MYO18B: variants seen among roughly 807,000 people sequenced by gnomAD.
The protein encoded by MYO18B is unconventional myosin-XVIIIb.
MYO18B carries 204 observed loss-of-function variants against 273.0 expected under a neutral mutation model. That is an observed-to-expected ratio of 0.75 (90% CI 0.67 to 0.84). The LOEUF is 0.84. Ranked by LOEUF, MYO18B falls within the 40% of genes least tolerant of loss-of-function variation. The probability of loss-of-function intolerance (pLI) is 0.00; values close to 1 mark genes in which losing one functional copy is unlikely to be tolerated. For missense variants in MYO18B, 3,212 were observed against 3,287.6 expected, an observed-to-expected ratio of 0.98 and a Z score of 0.56; for synonymous variants, 1,330 against 1,305.7, an observed-to-expected ratio of 1.02 and a Z score of -0.40.
chr22:25,828,058 G>A (rs1386088008), intron 14 of MYO18B, among the ~76,000 whole-genome samples: 4 of 152,276 alleles, frequency 2.6e-5, no homozygotes, highest in South Asian at 2.1e-4. Flanking sequence ...GATCATACTC[G>A]TGGTGATGAG....
intron 11 of MYO18B, among the ~76,000 whole-genome samples, chr22:25,793,059 T>C (rs2038326): frequency 0.74 from 112,419 of 152,032 alleles, 41,680 homozygotes; most frequent in East Asian, 0.86. Flanking sequence ...GAACGGTGTC[T>C]CTGGAAGGTG....
Position 25,797,953 on chromosome 22 carries a change from C to G in MYO18B, c.2377C>G (p.Pro793Ala), listed in dbSNP as rs1464783177. The change falls in exon 12 of 44, where the codon CCT becomes GCT. Residue 793 changes from proline (P) to alanine (A), a missense_variant and splice_region_variant. Physicochemically the swap from Pro to Ala is conservative, Grantham distance 27 (BLOSUM62 -1). Coordinates refer to ENST00000335473, the MANE Select transcript of MYO18B (RefSeq NM_032608.7). ...TCTTCCTCTCTCCCTTTGCCCGCAGCCTGAAGATAAACAGAAGGCGGCAGC... is the reference window on the plus strand; with the variant it reads ...TCTTCCTCTCTCCCTTTGCCCGCAGGCTGAAGATAAACAGAAGGCGGCAGC... ...SSFGMGVWSK[P>A]EDKQKAAAAF... The G allele has an allele frequency of 3.7e-6, 6 of 1,613,886 alleles. No individual in the cohort carries two copies. Among genetic ancestry groups the G allele is most frequent in the African/African-American group, 1.3e-5 (1 of 74,922 alleles).
At chr22:25,945,399 G>C (rs554447944) in intron 34 of MYO18B, among the ~76,000 whole-genome samples, 16 of 152,238 alleles carry the variant, frequency 1.1e-4, no homozygotes, top group African/African-American at 3.4e-4. Flanking sequence ...GGGCCAGCTT[G>C]ATTGTTCCCT....
intron 42 of MYO18B, among the ~76,000 whole-genome samples, chr22:26,016,973 G>C (rs977002000): frequency 6.6e-5 from 10 of 152,114 alleles, no homozygotes; most frequent in African/African-American, 2.4e-4. Context: ...CACCTGCAGA[G>C]TGTCAGTTCC....
chr22:25,841,910 C>G (rs2090093438), intron 17 of MYO18B, among the ~76,000 whole-genome samples: 1 of 152,236 alleles, frequency 6.6e-6, no homozygotes, highest in Non-Finnish European at 1.5e-5. Flanking sequence ...TGCTTTGTCA[C>G]CTTACTCCCT....
intron 12 of MYO18B, among the ~76,000 whole-genome samples, chr22:25,801,316 T>C (rs5752214): frequency 0.067 from 10,165 of 152,264 alleles, 590 homozygotes; most frequent in East Asian, 0.21. Context: ...ACCACTAATA[T>C]TGGCCTGGTG....
Position 25,950,365 on chromosome 22 carries a change from AG to A in MYO18B, c.5749-1del. ...TATACATTTTTTTTTTTGTCTCACC[AG>A]TCTGCTGCTGACATTGGGCAGATCC... is the stretch of plus-strand genomic sequence containing the variant. On this transcript the variant is annotated splice_acceptor_variant, in intron 36 of 43. Coordinates refer to ENST00000335473, the MANE Select transcript of MYO18B (RefSeq NM_032608.7). LOFTEE classifies it high-confidence loss of function. The A allele has an allele frequency of 6.3e-7, 1 of 1,592,884 alleles. No individual in the cohort carries two copies. Among genetic ancestry groups the A allele is most frequent in the Non-Finnish European group, 8.5e-7 (1 of 1,169,860 alleles).
intron 20 of MYO18B, 106 bp from the exon 21 acceptor site, chr22:25,851,364 G>A (rs1317212703): frequency 1.1e-5 from 8 of 726,656 alleles, no homozygotes; most frequent in Non-Finnish European, 1.4e-5. Flanking sequence ...TTAGTAGCCA[G>A]GCTAGGAAGC....
At chr22:25,800,481 T>C (rs1254024119) in intron 12 of MYO18B, among the ~76,000 whole-genome samples, 1 of 152,174 alleles carries the variant, frequency 6.6e-6, no homozygotes, top group East Asian at 1.9e-4. Flanking sequence ...TGGGAACATG[T>C]TGCATATTTG....
At position 25,774,896 on chromosome 22, in the gene MYO18B, C is replaced by T. The variant is rs562769346; in HGVS notation, c.1869+2386C>T. ...GCGACCCCGTGGGTAGAGGTGGATC[C>T]CATCTCTGTGTGCAGAGCCCGCCGC... On this transcript the variant is annotated intron_variant, in intron 7 of 43. Coordinates refer to ENST00000335473, the MANE Select transcript of MYO18B (RefSeq NM_032608.7). 3.3e-3 allele frequency among the ~76,000 whole-genome samples: 508 copies of T among 152,338 alleles called. 5 individuals carry two copies. Among genetic ancestry groups the T allele is most frequent in the African/African-American group, 0.012 (482 of 41,572 alleles).
chr22:25,882,598 A>T (rs1424080578), intron 25 of MYO18B, among the ~76,000 whole-genome samples: 1 of 152,222 alleles, frequency 6.6e-6, no homozygotes, highest in African/African-American at 2.4e-5. Flanking sequence ...ATCAATTGAA[A>T]TCAAAGCAGT....
At chr22:25,925,902 C>CAAAAA (rs34754921) in intron 34 of MYO18B, among the ~76,000 whole-genome samples, 1 of 65,762 alleles carries the variant, frequency 1.5e-5, no homozygotes, top group Non-Finnish European at 2.8e-5. Context: ...AAGACTCTGT[C>CAAAAA]AAAAAAAAAA....
chr22:25,808,661 A>G (rs2088594560), intron 12 of MYO18B, among the ~76,000 whole-genome samples: 1 of 152,154 alleles, frequency 6.6e-6, no homozygotes, highest in African/African-American at 2.4e-5. Context: ...AGGAGAGCTC[A>G]GACTCGGGGC....
intron 42 of MYO18B, among the ~76,000 whole-genome samples, chr22:26,013,965 C>T (rs2146957128): frequency 6.6e-6 from 1 of 152,200 alleles, no homozygotes; most frequent in East Asian, 1.9e-4. Flanking sequence ...TTTTCACTCT[C>T]TTAATGGTTT....
chr22:25,763,848 A>T (rs938186895), intron 3 of MYO18B, among the ~76,000 whole-genome samples: 2 of 152,218 alleles, frequency 1.3e-5, no homozygotes, highest in African/African-American at 4.8e-5. Context: ...CTTGAACACT[A>T]TTTTTATAGA....
chr22:26,050,400 G>A, the MYO18B span, among the ~76,000 whole-genome samples: 766 of 152,316 alleles, frequency 5.0e-3, 5 homozygotes, highest in African/African-American at 0.015. Flanking sequence ...TCAGAGTTCA[G>A]CCATGCCTCT....
chr22:26,041,188 G>A, the MYO18B span, among the ~76,000 whole-genome samples: 3 of 151,704 alleles, frequency 2.0e-5, no homozygotes, highest in African/African-American at 4.8e-5. Context: ...TAGTGTTAGG[G>A]TATTTTATGT....
chr22:25,827,661 C>T (rs2089544522), intron 14 of MYO18B, among the ~76,000 whole-genome samples: 1 of 152,222 alleles, frequency 6.6e-6, no homozygotes, highest in African/African-American at 2.4e-5. Context: ...AGAATCAACT[C>T]CCTCTGACGC....
chr22:25,990,027 T>C (rs2093247436), intron 39 of MYO18B, among the ~76,000 whole-genome samples: 1 of 152,198 alleles, frequency 6.6e-6, no homozygotes, highest in Non-Finnish European at 1.5e-5. Flanking sequence ...TGGGATGGAC[T>C]GGCAGCTCCT....
Sources: gnomAD v4.1 joint callset for allele counts (sites outside exome capture counted in the v4.1 genomes callset) on GRCh38, gnomAD v4.1.1 for gene constraint, MANE v1.5 for transcripts, NCBI Gene and HGNC (gene_info 2026-07-23, HGNC 2026-07-21) for gene names.